TMEM130: variants seen among roughly 807,000 people sequenced by gnomAD.
TMEM130 encodes the protein transmembrane protein 130.
In TMEM130, 37 loss-of-function variants were observed where a neutral mutation model predicts 42.9. That is an observed-to-expected ratio of 0.86 (90% confidence interval 0.66 to 1.13). TMEM130 has a LOEUF of 1.13. TMEM130 is among the 50% of genes most tolerant of loss of function. The probability of loss-of-function intolerance (pLI) is 0.00; values close to 1 mark genes in which losing one functional copy is unlikely to be tolerated. For synonymous variants in TMEM130, 259 were observed against 237.7 expected (o/e 1.09, Z -0.82); for missense variants, 545 against 562.6 (o/e 0.97, Z 0.32).
chr7:98,855,397 G>T, intron 4 of TMEM130, 73 bp from the exon 5 acceptor site: 2 of 1,382,502 alleles, frequency 1.4e-6, no homozygotes, highest in South Asian at 1.3e-5. Context: ...GCACAGGGTG[G>T]TGCGACTGCC....
At chr7:98,848,309 T>G in intron 7 of TMEM130, 101 bp from the exon 8 acceptor site, 1 of 1,415,838 alleles carries the variant, frequency 7.1e-7, no homozygotes, top group Non-Finnish European at 9.7e-7. Context: ...GGTGGCCTTA[T>G]GAGCTCAGCT....
chr7:98,848,347 C>T, intron 7 of TMEM130, 139 bp from the exon 8 acceptor site: 4 of 983,502 alleles, frequency 4.1e-6, no homozygotes, highest in Non-Finnish European at 6.1e-6. Flanking sequence ...ACAGAAACAC[C>T]TTTCTGGCAC....
Position 98,869,215 on chromosome 7 carries a change from T to G in TMEM130, c.85+562A>C. On this transcript the variant is annotated intron_variant, in intron 1 of 7. Coordinates refer to ENST00000339375, the MANE Select transcript of TMEM130 (RefSeq NM_152913.3). The surrounding 1 kb of genome is among the most constrained non-coding windows in gnomAD (Gnocchi z 4.7). ...CACCCACACACACACCCCAGGAACC[T>G]GTCAGCTCCGGGTCCATTTTGGAAA... is the stretch of plus-strand genomic sequence containing the variant. 4 of 1,288,820 alleles carry G rather than the reference T, an allele frequency of 3.1e-6. No homozygotes were observed. The highest frequency in any genetic ancestry group is 4.0e-6 in the Non-Finnish European group (4 of 988,648). 79.8% of individuals were successfully genotyped at this position (1,288,820 alleles called of 1,614,324 possible). A position where few individuals can be genotyped will look rare whatever the true frequency, so the allele number is the denominator to read the frequency against.
Position 98,869,152 on chromosome 7 carries a change from G to A in TMEM130, c.85+625C>T. ...CTGGCTTTCTGGCGGTGGGGAAGTG[G>A]GGGCAGTAGACACACAACCCTGCTT... On this transcript the variant is annotated intron_variant, in intron 1 of 7. Coordinates refer to ENST00000339375, the MANE Select transcript of TMEM130 (RefSeq NM_152913.3). The surrounding 1 kb of genome is among the most constrained non-coding windows in gnomAD (Gnocchi z 4.7). 7.9e-7 allele frequency: 1 copy of A among 1,260,236 alleles called. No individual in the cohort carries two copies. The allele number at this position is 1,260,236 out of a possible 1,614,324, so 78.1% of individuals were successfully genotyped here. A position where few individuals can be genotyped will look rare whatever the true frequency, so the allele number is the denominator to read the frequency against.
chr7:98,859,691 A>G (rs556514938), intron 3 of TMEM130, among the ~76,000 whole-genome samples: 75 of 152,194 alleles, frequency 4.9e-4, no homozygotes, highest in African/African-American at 1.8e-3. Context: ...CCTGGCCAAC[A>G]TGGTGAAACC....
rs1459257206 is a variant in TMEM130 at position 98,869,499 on chromosome 7, C to T, written c.85+278G>A. 5 of 746,106 alleles carry T rather than the reference C, an allele frequency of 6.7e-6. No homozygotes were observed. Among genetic ancestry groups the T allele is most frequent in the African/African-American group, 1.9e-5 (1 of 52,916 alleles). The allele number at this position is 746,106 out of a possible 1,614,324, so 46.2% of individuals were successfully genotyped here. On this transcript the variant is annotated intron_variant, in intron 1 of 7. Transcript: ENST00000339375. This position sits in a 1 kb window ranked among gnomAD's most constrained non-coding sequence, Gnocchi z 4.7. ...AGGCATCGACGGATGCGCCGGCCAC[C>T]CCCGCGCGGTTTCCAGGGCAGGGCC...
At chr7:98,860,446 C>A (rs1374624453) in intron 2 of TMEM130, 108 bp from the exon 3 acceptor site, 2 of 1,184,192 alleles carry the variant, frequency 1.7e-6, no homozygotes, top group Admixed American at 2.8e-5. Flanking sequence ...CCTGCCCGGA[C>A]CTTCTGGCTG....
At chr7:98,854,851 C>T (rs1200408664) in intron 5 of TMEM130, among the ~76,000 whole-genome samples, 2 of 152,120 alleles carry the variant, frequency 1.3e-5, no homozygotes, top group African/African-American at 4.8e-5. Flanking sequence ...GCCTGGGCAA[C>T]ATGGTGAAAC....
Position 98,851,381 on chromosome 7 carries a change from G to A in TMEM130, c.1006+40C>T, listed in dbSNP as rs148377406. ...GTGGCAGGATGGACAGGCTTGTGCT[G>A]CCCATGTGGCACTGGAGCAGAAGGC... On this transcript the variant is annotated intron_variant, in intron 6 of 7. Transcript: ENST00000339375. 3.3e-3 allele frequency: 5,281 copies of A among 1,600,842 alleles called. 16 individuals are homozygous for A. Among genetic ancestry groups the A allele is most frequent in the Non-Finnish European group, 3.7e-3 (4,294 of 1,168,506 alleles).
intron 6 of TMEM130, among the ~76,000 whole-genome samples, chr7:98,850,230 C>T (rs1339734351): frequency 1.8e-4 from 23 of 124,718 alleles, no homozygotes; most frequent in Non-Finnish European, 2.9e-4. Flanking sequence ...CTCAATCCCT[C>T]TCTCTCTCTC....
At chr7:98,859,069 AAAAGGAAAGGAAAG>A (rs1452914366) in intron 3 of TMEM130, among the ~76,000 whole-genome samples, 13 of 149,050 alleles carry the variant, frequency 8.7e-5, no homozygotes, top group Non-Finnish European at 1.2e-4. Flanking sequence ...AGAAAAAAGA[AAAAGGAAAGGAAAG>A]AAAGGAAAGG....
chr7:98,863,314 T>G lies in TMEM130; in HGVS notation c.172A>C (p.Asn58His), dbSNP rs782685519. The G allele has an allele frequency of 6.2e-7, 1 of 1,612,746 alleles. No homozygotes were observed. The highest frequency in any genetic ancestry group is 8.5e-7 in the Non-Finnish European group (1 of 1,179,950). The change falls in exon 2 of 8, where the codon AAC (asparagine) becomes CAC (histidine). Residue 58 changes from asparagine to histidine, a missense_variant. Asn to His is a moderately conservative substitution (Grantham distance 68). Coordinates refer to ENST00000339375, the MANE Select transcript of TMEM130 (RefSeq NM_152913.3). ...TISASLVAKD[N>H]GSLALPADAH... ...TCAGCGGGCAGGGCCAGGCTGCCGTTGTCCTTGGCCACCAGGCTGGCCGAG... is the reference window on the plus strand; with the variant it reads ...TCAGCGGGCAGGGCCAGGCTGCCGTGGTCCTTGGCCACCAGGCTGGCCGAG...
intron 1 of TMEM130, among the ~76,000 whole-genome samples, chr7:98,864,360 C>T (rs1265965196): frequency 5.3e-5 from 8 of 151,708 alleles, no homozygotes; most frequent in Admixed American, 5.3e-4. Context: ...GTCCAAGTCA[C>T]CACGCTTGGC....
chr7:98,851,457 T>C lies in TMEM130; in HGVS notation c.970A>G (p.Thr324Ala). The C allele has an allele frequency of 6.2e-7, 1 of 1,613,976 alleles. No individual in the cohort carries two copies. Among genetic ancestry groups the C allele is most frequent in the Non-Finnish European group, 8.5e-7 (1 of 1,179,978 alleles). ...SIRAENIISK[T>A]HQYHKIQVWP... ...ACCTGGATCTTGTGGTACTGATGTG[T>C]CTTGCTGATGATATTCTCGGCCCGG... is the stretch of plus-strand genomic sequence containing the variant. The change falls in exon 6 of 8, where the codon ACA becomes GCA. Residue 324 changes from threonine to alanine, a missense_variant. Transcript: ENST00000339375.
chr7:98,854,632 G>A (rs1794586986), intron 5 of TMEM130, among the ~76,000 whole-genome samples: 1 of 152,226 alleles, frequency 6.6e-6, no homozygotes, highest in African/African-American at 2.4e-5. Flanking sequence ...AGCCACCCAG[G>A]AGGCTGAGGC....
intron 2 of TMEM130, 128 bp from the exon 3 acceptor site, chr7:98,860,466 G>C: frequency 1.0e-6 from 1 of 956,706 alleles, no homozygotes. Flanking sequence ...GTCAGAGCTA[G>C]GCAGGGAGAG....
At position 98,860,324 on chromosome 7, in the gene TMEM130, C is replaced by T. The variant is rs782001740; in HGVS notation, c.406G>A (p.Asp136Asn). Residue 136 changes from aspartate to asparagine, a missense_variant, in exon 3 of 8, where the codon GAC (aspartate) becomes AAC (asparagine). Coordinates refer to ENST00000339375, the MANE Select transcript of TMEM130 (RefSeq NM_152913.3). ...GAAGTGTTCTGGGTGACAACAAGGT[C>T]CCCCACGAGGAACTCTGGGAGAGAG... Reference protein sequence around the residue: ...VLPITEFLVGDLVVTQNTSLP... With the variant: ...VLPITEFLVGNLVVTQNTSLP... The T allele has an allele frequency of 2.2e-5, 35 of 1,592,288 alleles. No homozygotes were observed. The highest frequency in any genetic ancestry group is 3.0e-5 in the Non-Finnish European group (35 of 1,167,350).
At chr7:98,856,883 T>C (rs1794646107) in intron 3 of TMEM130, among the ~76,000 whole-genome samples, 1 of 152,166 alleles carries the variant, frequency 6.6e-6, no homozygotes, top group Non-Finnish European at 1.5e-5. Context: ...CCAATATTTA[T>C]ACTGTACTTT....
intron 3 of TMEM130, among the ~76,000 whole-genome samples, chr7:98,857,701 A>G (rs1472245582): frequency 2.3e-5 from 1 of 43,352 alleles, no homozygotes; most frequent in Non-Finnish European, 5.3e-5. Context: ...CCCTGTCTCA[A>G]AAACAGAAAC....
Sources: allele counts gnomAD v4.1 joint callset (sites outside exome capture counted in the v4.1 genomes callset), GRCh38; gene constraint gnomAD v4.1.1; non-coding constraint Gnocchi (gnomAD v3.1); transcripts MANE v1.5; gene names NCBI Gene and HGNC (gene_info 2026-07-23, HGNC 2026-07-21).